Variants in NDRG3 observed in about 807,000 individuals in gnomAD.
NDRG3 encodes the protein NDRG family member 3, also known as protein NDRG3.
In NDRG3, 23 loss-of-function variants were observed where a neutral mutation model predicts 57.2. That is an observed-to-expected ratio of 0.40 (90% confidence interval 0.29 to 0.57). NDRG3 has a LOEUF of 0.57. NDRG3 is among the 20% of genes least tolerant of loss of function. The pLI is 0.42. For missense variants in NDRG3, 384 were observed against 457.3 expected (o/e 0.84, Z 1.46); for synonymous variants, 132 against 162.6 (o/e 0.81, Z 1.43).
intron 8 of NDRG3, among the ~76,000 whole-genome samples, chr20:36,677,252 C>T (rs1177102865): frequency 1.3e-5 from 2 of 152,226 alleles, no homozygotes; most frequent in African/African-American, 4.8e-5. Context: ...CCCCTCCAAG[C>T]CCCGGGGCCA....
rs1188148076 is a variant in NDRG3, at chr20:36,743,902, C to CTT, written c.-49+2141_-49+2142dup. Reference sequence around the variant, plus strand: ...TGCACGTTCAAGTAACATAAACAAGCTTTTTTTTTTTTTTTTTTTTTGAGA... The same window carrying CTT: ...TGCACGTTCAAGTAACATAAACAAGCTTTTTTTTTTTTTTTTTTTTTTTGAGA... On this transcript the variant is annotated intron_variant, in intron 1 of 15. Transcript: ENST00000349004. Among the ~76,000 whole-genome samples, 136 of 119,060 alleles carry CTT rather than the reference C, an allele frequency of 1.1e-3. 3 individuals are homozygous for CTT. The highest frequency in any genetic ancestry group is 1.3e-3 in the Non-Finnish European group (78 of 58,724). The allele number at this position is 119,060 out of a possible 152,430, so 78.1% of individuals were successfully genotyped here. A position where few individuals can be genotyped will look rare whatever the true frequency, so the allele number is the denominator to read the frequency against.
chr20:36,743,486 C>T (rs1395430763), intron 1 of NDRG3, among the ~76,000 whole-genome samples: 2 of 149,264 alleles, frequency 1.3e-5, no homozygotes, highest in Admixed American at 6.7e-5. Flanking sequence ...AAGAGCGAAA[C>T]TCCGTCTCAA....
rs1320822587 is a variant in NDRG3 at position 36,746,070 on chromosome 20, T to TGCA, written c.-77_-75dup. 5.8e-4 allele frequency: 186 copies of TGCA among 319,578 alleles called. 4 individuals carry two copies. The highest frequency in any genetic ancestry group is 8.4e-4 in the Non-Finnish European group (157 of 186,012). The allele number at this position is 319,578 out of a possible 1,614,324, so 19.8% of individuals were successfully genotyped here. A position where few individuals can be genotyped will look rare whatever the true frequency, so the allele number is the denominator to read the frequency against. On this transcript the variant is annotated 5_prime_UTR_variant, in exon 1 of 16. Transcript: ENST00000349004. ...CTGAGGCGCGGGCACCCGCCGTCAG[T>TGCA]GCAGCAGCAGCGGCGGCGGCGGCGG...
intron 1 of NDRG3, among the ~76,000 whole-genome samples, chr20:36,737,071 T>C (rs1465894437): frequency 6.6e-6 from 1 of 152,182 alleles, no homozygotes; most frequent in Non-Finnish European, 1.5e-5. Context: ...GAGAGGTTTG[T>C]AGAGACTGCC....
rs985804867 is a variant in NDRG3 at position 36,671,354 on chromosome 20, T to C, written c.575A>G (p.His192Arg). 19 of 1,613,802 alleles carry C rather than the reference T, an allele frequency of 1.2e-5. No individual in the cohort carries two copies. Among genetic ancestry groups the C allele is most frequent in the Non-Finnish European group, 8.5e-6 (10 of 1,179,822 alleles). The change falls in exon 9 of 16, where the codon CAT (histidine) becomes CGT (arginine). Residue 192 changes from histidine (H) to arginine (R), a missense_variant. Physicochemically the swap from His to Arg is conservative, Grantham distance 29 (BLOSUM62 0). Transcript: ENST00000349004. ...ACAGGTACTTACCTGCCCAAAGTGA[T>C]GAGCCAAAATAATGTCCACAACATT... Reference protein sequence around the residue: ...TTNVVDIILAHHFGQEELQAN... With the variant: ...TTNVVDIILARHFGQEELQAN...
chr20:36,660,917 C>T (rs144863432), intron 12 of NDRG3, among the ~76,000 whole-genome samples: 22 of 152,254 alleles, frequency 1.4e-4, no homozygotes, highest in African/African-American at 4.8e-4. Context: ...AAAAATTTCA[C>T]TTATCTAATT....
intron 1 of NDRG3, among the ~76,000 whole-genome samples, chr20:36,733,616 G>C (rs946085739): frequency 1.4e-4 from 22 of 151,898 alleles, no homozygotes; most frequent in African/African-American, 5.3e-4. Flanking sequence ...CCAGCTACTC[G>C]GCAGGCTGAG....
chr20:36,723,302 ATTC>A (rs1048570716), intron 1 of NDRG3, among the ~76,000 whole-genome samples: 4 of 152,166 alleles, frequency 2.6e-5, no homozygotes, highest in African/African-American at 9.7e-5. Flanking sequence ...TGAACTACAA[ATTC>A]TTCTTCTATC....
rs201686118 is a variant in NDRG3 at position 36,721,751 on chromosome 20, G to T, written c.-16C>A. Reference sequence around the variant, plus strand: ...GTTCATCCATGAGGTCAGATAACGAGAGTAGAGGAATCTCAAGAATAAATC... The same window carrying T: ...GTTCATCCATGAGGTCAGATAACGATAGTAGAGGAATCTCAAGAATAAATC... On this transcript the variant is annotated 5_prime_UTR_variant, in exon 2 of 16. Transcript: ENST00000349004. 1.1e-4 allele frequency: 172 copies of T among 1,584,000 alleles called. No homozygotes were observed. The highest frequency in any genetic ancestry group is 1.0e-4 in the Admixed American group (6 of 58,578).
intron 1 of NDRG3, among the ~76,000 whole-genome samples, chr20:36,722,580 G>A (rs1172817707): frequency 6.6e-6 from 1 of 152,154 alleles, no homozygotes; most frequent in Non-Finnish European, 1.5e-5. Flanking sequence ...ATTAAGCGGG[G>A]ACAAAAATTG....
chr20:36,688,535 C>T (rs1341312049), intron 4 of NDRG3, 144 bp downstream of exon 4: 2 of 640,236 alleles, frequency 3.1e-6, no homozygotes, highest in Non-Finnish European at 5.5e-6. Context: ...GAACTTTATA[C>T]CATTAACGAA....
chr20:36,678,519 G>A (rs1980955791), intron 8 of NDRG3, among the ~76,000 whole-genome samples: 1 of 152,122 alleles, frequency 6.6e-6, no homozygotes, highest in East Asian at 1.9e-4. Context: ...TGTCTTTACT[G>A]AAAATACAAA....
chr20:36,675,789 TGAG>T (rs1980636998), intron 8 of NDRG3, among the ~76,000 whole-genome samples: 1 of 152,130 alleles, frequency 6.6e-6, no homozygotes, highest in East Asian at 1.9e-4. Flanking sequence ...CTCAAAGTGC[TGAG>T]ATTACAGAGG....
intron 4 of NDRG3, 135 bp from the exon 5 acceptor site, chr20:36,687,747 ATCTG>A: frequency 1.0e-6 from 1 of 994,780 alleles, no homozygotes; most frequent in Non-Finnish European, 1.4e-6. Flanking sequence ...TGTCTGAACA[ATCTG>A]TCTGATTCAA....
chr20:36,742,436 G>GC (rs1331676327), intron 1 of NDRG3, among the ~76,000 whole-genome samples: 1 of 152,192 alleles, frequency 6.6e-6, no homozygotes, highest in South Asian at 2.1e-4. Flanking sequence ...TTCTCAAGGT[G>GC]CCCCCCGCCA....
intron 8 of NDRG3, among the ~76,000 whole-genome samples, chr20:36,674,347 C>G (rs1305284116): frequency 6.6e-6 from 1 of 151,542 alleles, no homozygotes; most frequent in Non-Finnish European, 1.5e-5. Context: ...GGATTACAGG[C>G]GTGTGCCACC....
intron 1 of NDRG3, among the ~76,000 whole-genome samples, chr20:36,736,663 C>A (rs1476661595): frequency 6.6e-6 from 1 of 152,072 alleles, no homozygotes; most frequent in Non-Finnish European, 1.5e-5. Context: ...CTCCTGGGGG[C>A]CCTTAGGAAA....
chr20:36,745,997 A>C (rs1203795442), intron 1 of NDRG3, 48 bp downstream of exon 1: 22 of 281,220 alleles, frequency 7.8e-5, no homozygotes, highest in Non-Finnish European at 8.8e-5. Context: ...ACGCCCCCGA[A>C]TGCGGCGCCG....
intron 13 of NDRG3, 120 bp downstream of exon 13, chr20:36,660,217 G>T (rs1979046247): frequency 1.1e-5 from 9 of 789,358 alleles, no homozygotes; most frequent in Admixed American, 2.5e-5. Flanking sequence ...CAAAGAAAAA[G>T]AAGAGAATGA....
Sources: gnomAD v4.1 joint callset for allele counts (sites outside exome capture counted in the v4.1 genomes callset) on GRCh38, gnomAD v4.1.1 for gene constraint, MANE v1.5 for transcripts, NCBI Gene and HGNC (gene_info 2026-07-23, HGNC 2026-07-21) for gene names.